EFL1: variants seen among roughly 807,000 people sequenced by gnomAD.
EFL1 encodes the protein elongation factor like GTPase 1, also known as elongation factor-like GTPase 1.
Under a neutral mutation model 126.7 loss-of-function variants are expected in EFL1, and 76 were observed. The observed-to-expected ratio is 0.60, with a 90% CI of 0.50 to 0.73. EFL1 has a LOEUF of 0.73. Among genes scored for constraint, EFL1 ranks in the 30% least tolerant of loss-of-function variants. EFL1 has a pLI of 0.00. For synonymous variants in EFL1, 410 were observed against 448.4 expected, an observed-to-expected ratio of 0.91 and a Z score of 1.08; for missense variants, 1,128 against 1,343.2, an observed-to-expected ratio of 0.84 and a Z score of 2.50.
chr15:82,166,978 A>G, intron 15 of EFL1, among the ~76,000 whole-genome samples: 1 of 152,252 alleles, frequency 6.6e-6, no homozygotes, highest in East Asian at 1.9e-4. Context: ...TAATCATTTC[A>G]GAATTCCCAG....
chr15:82,131,343 A>G (rs2073641415), intron 19 of EFL1, among the ~76,000 whole-genome samples: 1 of 151,984 alleles, frequency 6.6e-6, no homozygotes, highest in Non-Finnish European at 1.5e-5. Context: ...CCCAGGCTGG[A>G]GGGCAGTGGT....
chr15:82,151,607 T>G lies in EFL1; in HGVS notation c.2847A>C (p.Pro949=). ...AGAAAGGTCCATAGCAGTCAGTGAG[T>G]GGAGATTCTCCTTTCTGTGATGTCC... The part of the protein sequence containing the change: ...EKRTSQKGES[P]LTDCYGPFSG... Residue 949 remains proline (P), a synonymous_variant, in exon 18 of 20, where the codon CCA becomes CCC. Transcript: ENST00000268206. The G allele has an allele frequency of 6.2e-7, 1 of 1,614,092 alleles. No individual in the cohort carries two copies. Among genetic ancestry groups the G allele is most frequent in the African/African-American group, 1.3e-5 (1 of 74,996 alleles).
At position 82,173,161 on chromosome 15, in the gene EFL1, A is replaced by T. The variant is rs186392577; in HGVS notation, c.1751-9177T>A. Among the ~76,000 whole-genome samples the T allele has an allele frequency of 1.6e-3, 244 of 152,314 alleles. 1 individual carries two copies. Among genetic ancestry groups the T allele is most frequent in the Admixed American group, 0.014 (208 of 15,294 alleles). On this transcript the variant is annotated intron_variant, in intron 15 of 19. Transcript: ENST00000268206. ...CACCAACAGGAGATTGAAAAAATAA[A>T]TTATAATGAATTCATACAATGGAAT...
At chr15:82,130,722 G>A (rs1419799609) in intron 19 of EFL1, among the ~76,000 whole-genome samples, 161 bp from the exon 20 acceptor site, 2 of 152,200 alleles carry the variant, frequency 1.3e-5, no homozygotes, top group African/African-American at 2.4e-5. Flanking sequence ...GAATCGGCAG[G>A]GTGTGGTGGC....
chr15:82,175,861 T>C (rs2074189643), intron 15 of EFL1, among the ~76,000 whole-genome samples: 1 of 152,110 alleles, frequency 6.6e-6, no homozygotes, highest in African/African-American at 2.4e-5. Context: ...AAGTAGAATA[T>C]GTAATTCAAT....
chr15:82,203,555 A>G (rs1432329369), intron 15 of EFL1, among the ~76,000 whole-genome samples: 1 of 152,036 alleles, frequency 6.6e-6, no homozygotes. Flanking sequence ...TTGTATTTTT[A>G]GTAGAGACAG....
rs1234972881 is a variant in EFL1, at chr15:82,212,980, G to A, written c.1750+1737C>T. ...AGATATAAGGCCATCTTGCTTCTAC[G>A]GGGACAAAAGCCACATGCTGAGCCA... On this transcript the variant is annotated intron_variant, in intron 15 of 19. Transcript: ENST00000268206. Among the ~76,000 whole-genome samples the A allele has an allele frequency of 6.6e-5, 10 of 152,290 alleles. No individual in the cohort carries two copies. The East Asian group carries it at 1.7e-3, about 26-fold the overall frequency.
At chr15:82,214,320 G>A (rs752046268) in intron 15 of EFL1, among the ~76,000 whole-genome samples, 2 of 152,084 alleles carry the variant, frequency 1.3e-5, no homozygotes, top group African/African-American at 2.4e-5. Context: ...AAAAGCATGC[G>A]AAAAAAGCAA....
At chr15:82,186,007 A>T (rs1283386927) in intron 15 of EFL1, among the ~76,000 whole-genome samples, 1 of 152,150 alleles carries the variant, frequency 6.6e-6, no homozygotes, top group Non-Finnish European at 1.5e-5. Context: ...CTATTTACTT[A>T]TCAATTCTAG....
intron 4 of EFL1, among the ~76,000 whole-genome samples, chr15:82,243,746 T>G (rs75058815): frequency 0.46 from 66,483 of 145,294 alleles, 15,784 homozygotes; most frequent in African/African-American, 0.51. Context: ...AACGAATACC[T>G]ATCTACTTAT....
chr15:82,213,805 T>G (rs2074613807), intron 15 of EFL1, among the ~76,000 whole-genome samples: 1 of 152,210 alleles, frequency 6.6e-6, no homozygotes, highest in African/African-American at 2.4e-5. Context: ...TCCAAAGGGA[T>G]GGAAGAAAAT....
chr15:82,171,084 A>T (rs951407755), intron 15 of EFL1, among the ~76,000 whole-genome samples: 7 of 152,236 alleles, frequency 4.6e-5, no homozygotes, highest in Admixed American at 1.3e-4. Flanking sequence ...AATATTTCCA[A>T]TTAAAATCAG....
rs140940338 is a variant in EFL1 at position 82,233,230 on chromosome 15, A to G, written c.732-2259T>C. On this transcript the variant is annotated intron_variant, in intron 7 of 19. Coordinates refer to ENST00000268206, the MANE Select transcript of EFL1 (RefSeq NM_024580.6). ...GTTACTACAAAATTTGCTTAACATC[A>G]ACCCATTCGACATTACTGCTAGTGT... Among the ~76,000 whole-genome samples, 987 of 152,296 alleles carry G rather than the reference A, an allele frequency of 6.5e-3. 10 individuals carry two copies. The highest frequency in any genetic ancestry group is 0.022 in the African/African-American group (923 of 41,566).
At chr15:82,244,951 G>A (rs1225416628) in intron 4 of EFL1, among the ~76,000 whole-genome samples, 2 of 152,140 alleles carry the variant, frequency 1.3e-5, no homozygotes, top group Non-Finnish European at 2.9e-5. Flanking sequence ...CCTCCTGAAA[G>A]TGTCCTTTAT....
At chr15:82,211,575 CACACACTAGACACATACTAG>C (rs1278365139) in intron 15 of EFL1, among the ~76,000 whole-genome samples, 2 of 127,678 alleles carry the variant, frequency 1.6e-5, no homozygotes, top group Non-Finnish European at 3.3e-5. Flanking sequence ...CACACACACA[CACACACTAGACACATACTAG>C]ACACACACAC....
At chr15:82,205,329 G>C (rs969505391) in intron 15 of EFL1, among the ~76,000 whole-genome samples, 1 of 152,100 alleles carries the variant, frequency 6.6e-6, no homozygotes, top group African/African-American at 2.4e-5. Flanking sequence ...TGCTCGTTGT[G>C]GCTTTTCCAT....
chr15:82,262,281 G>A (rs561804966), intron 1 of EFL1: 2 of 155,436 alleles, frequency 1.3e-5, no homozygotes, highest in African/African-American at 4.8e-5. Context: ...TGCCCATGGA[G>A]CCCGAACAAA....
At chr15:82,134,005 C>A (rs757106774) in intron 19 of EFL1, among the ~76,000 whole-genome samples, 2 of 152,182 alleles carry the variant, frequency 1.3e-5, no homozygotes, top group African/African-American at 2.4e-5. Context: ...GGCAGTCTCC[C>A]TTCAATGCCA....
intron 19 of EFL1, among the ~76,000 whole-genome samples, chr15:82,131,283 T>C (rs2073640755): frequency 6.6e-6 from 1 of 152,158 alleles, no homozygotes; most frequent in African/African-American, 2.4e-5. Context: ...TACACTCTTA[T>C]TATTATTACA....
Sources: allele counts gnomAD v4.1 joint callset (sites outside exome capture counted in the v4.1 genomes callset), GRCh38; gene constraint gnomAD v4.1.1; transcripts MANE v1.5; gene names NCBI Gene and HGNC (gene_info 2026-07-23, HGNC 2026-07-21).